Variants in BMP1 observed in about 807,000 individuals in gnomAD.
BMP1 encodes bone morphogenetic protein 1, also known as mammalian tolloid protein.
Under a neutral mutation model 116.8 loss-of-function variants are expected in BMP1, and 63 were observed. That is an observed-to-expected ratio of 0.54 (90% CI 0.44 to 0.67). The LOEUF is 0.67. BMP1 is among the 30% of genes least tolerant of loss of function. The pLI is 0.00. For missense variants in BMP1, 1,183 were observed against 1,358.9 expected (o/e 0.87, Z 2.04); for synonymous variants, 536 against 533.4 (o/e 1.00, Z -0.07).
chr8:22,192,231 C>G (rs1828956302), intron 9 of BMP1, 80 bp downstream of exon 9: 4 of 1,302,212 alleles, frequency 3.1e-6, no homozygotes, highest in Non-Finnish European at 4.4e-6. Context: ...TCATCCCCCT[C>G]CAGGGCCCAA....
intron 8 of BMP1, among the ~76,000 whole-genome samples, chr8:22,181,719 T>A (rs985374742): frequency 2.6e-5 from 4 of 151,902 alleles, no homozygotes; most frequent in Admixed American, 6.6e-5. Context: ...TGCCCGGCAA[T>A]TTTTTTTCTA....
rs775721839 is a variant in BMP1 at position 22,201,873 on chromosome 8, G to C, written c.2178G>C (p.Glu726Asp). The change falls in exon 16 of 20, where the codon GAG becomes GAC. Residue 726 changes from glutamate to aspartate, a missense_variant. Physicochemically the swap from Glu to Asp is conservative, Grantham distance 45. Coordinates refer to ENST00000306385, the MANE Select transcript of BMP1 (RefSeq NM_006129.5). Reference sequence around the variant, plus strand: ...GCGTCAACACGTTCGGCAGTTATGAGTGCCAATGCCGCAGTGGCTTCGTCC... The same window carrying C: ...GCGTCAACACGTTCGGCAGTTATGACTGCCAATGCCGCAGTGGCTTCGTCC... ...QDCVNTFGSY[E>D]CQCRSGFVLH... The C allele has an allele frequency of 4.3e-6, 7 of 1,613,774 alleles. No homozygotes were observed. Among genetic ancestry groups the C allele is most frequent in the Non-Finnish European group, 8.5e-7 (1 of 1,179,974 alleles).
chr8:22,209,306 GC>G, intron 18 of BMP1, 138 bp from the exon 19 acceptor site: 1 of 1,407,738 alleles, frequency 7.1e-7, no homozygotes, highest in Non-Finnish European at 9.5e-7. Context: ...TCTGGGCCAG[GC>G]CCCCACCCAC....
intron 1 of BMP1, among the ~76,000 whole-genome samples, chr8:22,167,723 G>GA (rs1176706825): frequency 6.6e-6 from 1 of 152,212 alleles, no homozygotes; most frequent in Non-Finnish European, 1.5e-5. Context: ...GGGCGGCTGA[G>GA]AGGGCCCCCG....
At position 22,187,631 on chromosome 8, in the gene BMP1, G is replaced by C. The variant is rs770402662; in HGVS notation, c.1078-4418G>C. On this transcript the variant is annotated intron_variant, in intron 8 of 19. Coordinates refer to ENST00000306385, the MANE Select transcript of BMP1 (RefSeq NM_006129.5). ...CCCAAAGTGCTGGGATTACAGGTGT[G>C]AGCCACCGTGCCCGGCCCCCAGCCC... Among the ~76,000 whole-genome samples, 11 of 150,408 alleles carry C rather than the reference G, an allele frequency of 7.3e-5. No homozygotes were observed. In the South Asian group the frequency reaches 8.4e-4, roughly 11 times the overall value.
At position 22,192,131 on chromosome 8, in the gene BMP1, G is replaced by A; in HGVS notation, c.1160G>A (p.Trp387Ter). 1.2e-6 allele frequency: 2 copies of A among 1,613,724 alleles called. No homozygotes were observed. The highest frequency in any genetic ancestry group is 1.7e-6 in the Non-Finnish European group (2 of 1,179,828). The change falls in exon 9 of 20, where the codon TGG (tryptophan) becomes TAG (stop). Residue 387 changes from tryptophan to a stop codon, truncating the protein, a stop_gained. Transcript: ENST00000306385. LOFTEE classifies it high-confidence loss of function. ...TATGTGGAGGTCCGAGATGGCTTCTGGAGGAAGGCGCCCCTCCGAGGTAAC... is the reference window on the plus strand; with the variant it reads ...TATGTGGAGGTCCGAGATGGCTTCTAGAGGAAGGCGCCCCTCCGAGGTAAC... ...YDYVEVRDGF[W>*]RKAPLRGRFC...
At chr8:22,210,376 T>C (rs1829440745) in intron 19 of BMP1, among the ~76,000 whole-genome samples, 1 of 151,202 alleles carries the variant, frequency 6.6e-6, no homozygotes, top group South Asian at 2.1e-4. Flanking sequence ...TCTTTTTTTT[T>C]TTTTTTTTTT....
Position 22,165,573 on chromosome 8 carries a change from C to A in BMP1, c.148+20C>A. The A allele has an allele frequency of 1.3e-6, 2 of 1,568,928 alleles. No individual in the cohort carries two copies. The highest frequency in any genetic ancestry group is 1.7e-6 in the Non-Finnish European group (2 of 1,161,784). On this transcript the variant is annotated intron_variant, in intron 1 of 19. Coordinates refer to ENST00000306385, the MANE Select transcript of BMP1 (RefSeq NM_006129.5). ...AGGCGGGTGAGCGCCCCCCGGCCCC[C>A]CGGCGACGGGCCAGGCGGGGAGGCG...
intron 8 of BMP1, among the ~76,000 whole-genome samples, chr8:22,187,571 G>C (rs1409300555): frequency 1.4e-5 from 2 of 138,342 alleles, no homozygotes; most frequent in South Asian, 2.2e-4. Context: ...GCATGGTCTC[G>C]ATCTCCTGAC....
chr8:22,182,321 C>T (rs1828645134), intron 8 of BMP1, among the ~76,000 whole-genome samples: 1 of 152,142 alleles, frequency 6.6e-6, no homozygotes, highest in African/African-American at 2.4e-5. Flanking sequence ...AAACATAGAA[C>T]AGCACACAAA....
Position 22,192,140 on chromosome 8 carries a change from C to G in BMP1, c.1169C>G (p.Ala390Gly), listed in dbSNP as rs749040090. ...GTCCGAGATGGCTTCTGGAGGAAGG[C>G]GCCCCTCCGAGGTAACGGCACCAGC... is the stretch of plus-strand genomic sequence containing the variant. ...VEVRDGFWRK[A>G]PLRGRFCGSK... The change falls in exon 9 of 20, where the codon GCG becomes GGG. Residue 390 changes from alanine to glycine, a missense_variant. Physicochemically the swap from Ala to Gly is moderately conservative, Grantham distance 60. Around this residue, in one of 4 missense-constraint regions of BMP1, gnomAD observed 956 missense variants for 1,135.2 expected, o/e 0.84. Transcript: ENST00000306385. The G allele has an allele frequency of 6.2e-7, 1 of 1,613,326 alleles. No individual in the cohort carries two copies. The highest frequency in any genetic ancestry group is 8.5e-7 in the Non-Finnish European group (1 of 1,179,658).
intron 8 of BMP1, among the ~76,000 whole-genome samples, chr8:22,188,770 G>A (rs1174492042): frequency 6.6e-6 from 1 of 152,188 alleles, no homozygotes; most frequent in Non-Finnish European, 1.5e-5. Flanking sequence ...TCTCGGGTGG[G>A]CCCTCTGGGG....
At chr8:22,191,788 C>T (rs1338659190) in intron 8 of BMP1, among the ~76,000 whole-genome samples, 2 of 152,220 alleles carry the variant, frequency 1.3e-5, no homozygotes, top group African/African-American at 4.8e-5. Context: ...ATCTAATTGA[C>T]TATGAAGAGA....
Position 22,192,104 on chromosome 8 carries a change from A to G in BMP1, c.1133A>G (p.Asp378Gly), listed in dbSNP as rs1430360113. ...DLYRSRLCWY[D>G]YVEVRDGFWR... is the part of the protein sequence containing the mutation. ...TACCGCAGCCGCCTGTGCTGGTACG[A>G]CTATGTGGAGGTCCGAGATGGCTTC... The change falls in exon 9 of 20, where the codon GAC becomes GGC. Residue 378 changes from aspartate (D) to glycine (G), a missense_variant. Physicochemically the swap from Asp to Gly is moderately conservative, Grantham distance 94 (BLOSUM62 -1). Around this residue, in one of 4 missense-constraint regions of BMP1, gnomAD observed 956 missense variants for 1,135.2 expected, o/e 0.84. Transcript: ENST00000306385. 3 of 1,613,914 alleles carry G rather than the reference A, an allele frequency of 1.9e-6. No homozygotes were observed. The highest frequency in any genetic ancestry group is 2.5e-6 in the Non-Finnish European group (3 of 1,179,896).
In BMP1 at chr8:22,192,169, C is replaced by T. The variant is rs547186279; in HGVS notation, c.1180+18C>T. 8.1e-6 allele frequency: 13 copies of T among 1,596,452 alleles called. No individual in the cohort carries two copies. The African/African-American group carries it at 1.6e-4, about 20-fold the overall frequency. On this transcript the variant is annotated intron_variant, in intron 9 of 19. Coordinates refer to ENST00000306385, the MANE Select transcript of BMP1 (RefSeq NM_006129.5). ...CCTCCGAGGTAACGGCACCAGCCAC[C>T]CCCTGCCCCCTCCATGCTGATTCCC...
rs558903273 is a variant in BMP1, at chr8:22,200,359, G to C, written c.2108-1444G>C. ...TGTATCCATGTCCAGGTGTCCATGC[G>C]CCTGTGTGTGCAGATGTGTCCTGTC... On this transcript the variant is annotated intron_variant, in intron 15 of 19. Coordinates refer to ENST00000306385, the MANE Select transcript of BMP1 (RefSeq NM_006129.5). Among the ~76,000 whole-genome samples the C allele has an allele frequency of 2.0e-5, 3 of 152,264 alleles. No individual in the cohort carries two copies. The East Asian group carries it at 5.8e-4, about 29-fold the overall frequency.
chr8:22,179,706 G>A lies in BMP1; in HGVS notation c.838G>A (p.Gly280Ser), dbSNP rs1306363534. 4 of 1,613,838 alleles carry A rather than the reference G, an allele frequency of 2.5e-6. No individual in the cohort carries two copies. Among genetic ancestry groups the A allele is most frequent in the Non-Finnish European group, 3.4e-6 (4 of 1,179,898 alleles). Residue 280 changes from glycine to serine, a missense_variant and splice_region_variant, in exon 7 of 20, where the codon GGC (glycine) becomes AGC (serine). Gly to Ser is a moderately conservative substitution (Grantham distance 56). Coordinates refer to ENST00000306385, the MANE Select transcript of BMP1 (RefSeq NM_006129.5). This position sits in a 1 kb window ranked among gnomAD's most constrained non-coding sequence, Gnocchi z 4.6. ...MHYARNTFSR[G>S]IFLDTIVPKY... is the part of the protein sequence containing the mutation. ...CTTACTTTTCTCCCTCTTCTTCAGG[G>A]GCATCTTCCTGGATACCATTGTCCC... is the stretch of plus-strand genomic sequence containing the variant.
At chr8:22,192,179 C>T in intron 9 of BMP1, 28 bp downstream of exon 9, 1 of 1,584,018 alleles carries the variant, frequency 6.3e-7, no homozygotes, top group East Asian at 2.2e-5. Flanking sequence ...CCCCTGCCCC[C>T]TCCATGCTGA....
At chr8:22,165,882 C>CGTGCGTGCGTGTGT (rs1016666673) in intron 1 of BMP1, among the ~76,000 whole-genome samples, 6 of 131,418 alleles carry the variant, frequency 4.6e-5, no homozygotes, top group East Asian at 2.6e-4. Context: ...CCTGTGCGTG[C>CGTGCGTGCGTGTGT]GTGTGTGTGT....
Sources: gnomAD v4.1 joint callset for allele counts (sites outside exome capture counted in the v4.1 genomes callset) on GRCh38, gnomAD v4.1.1 for gene constraint, gnomAD v4.1.1 regional missense constraint, Gnocchi (gnomAD v3.1) non-coding constraint, MANE v1.5 for transcripts, NCBI Gene and HGNC (gene_info 2026-07-23, HGNC 2026-07-21) for gene names.